ETV7: variants seen among roughly 807,000 people sequenced by gnomAD.
ETV7 encodes transcription factor ETV7.
In ETV7, 43 loss-of-function variants were observed where a neutral mutation model predicts 39.1. That is an observed-to-expected ratio of 1.10 (90% confidence interval 0.86 to 1.42). ETV7 has a LOEUF of 1.42. Among genes scored for constraint, ETV7 ranks in the 40% most tolerant of loss-of-function variants. The probability of loss-of-function intolerance (pLI) is 0.00; values close to 1 mark genes in which losing one functional copy is unlikely to be tolerated. For synonymous variants in ETV7, 196 were observed against 176.6 expected (o/e 1.11, Z -0.87); for missense variants, 432 against 442.3 (o/e 0.98, Z 0.21).
intron 7 of ETV7, among the ~76,000 whole-genome samples, chr6:36,356,679 C>T (rs1772351107): frequency 6.6e-6 from 1 of 152,202 alleles, no homozygotes; most frequent in Non-Finnish European, 1.5e-5. Context: ...TCTTAATGGC[C>T]CAGCCTGGGC....
In ETV7 at chr6:36,366,531, T is replaced by C; in HGVS notation, c.*114A>G. 10 of 1,562,826 alleles carry C rather than the reference T, an allele frequency of 6.4e-6. No homozygotes were observed. Among genetic ancestry groups the C allele is most frequent in the Non-Finnish European group, 8.7e-6 (10 of 1,155,614 alleles). On this transcript the variant is annotated 3_prime_UTR_variant, in exon 8 of 8. Transcript: ENST00000340181. ...TTCCCAAGCAATGGCTGTAATCCTG[T>C]GGGTACAGAGTCTGGCTGGGGATCC...
intron 6 of ETV7, among the ~76,000 whole-genome samples, chr6:36,367,468 G>A (rs1213399943): frequency 1.3e-5 from 2 of 150,538 alleles, no homozygotes; most frequent in Admixed American, 1.3e-4. Context: ...AAGGAAGGAA[G>A]GAAGGCGAAA....
intron 7 of ETV7, 40 bp from the exon 8 acceptor site, chr6:36,366,802 A>C: frequency 6.2e-7 from 1 of 1,613,270 alleles, no homozygotes; most frequent in South Asian, 1.1e-5. Flanking sequence ...CTCCTGCCCC[A>C]GCTGCAGGGG....
In ETV7 at chr6:36,366,548, T is replaced by C; in HGVS notation, c.*97A>G. 6.3e-7 allele frequency: 1 copy of C among 1,587,550 alleles called. No homozygotes were observed. The highest frequency in any genetic ancestry group is 8.6e-7 in the Non-Finnish European group (1 of 1,166,432). On this transcript the variant is annotated 3_prime_UTR_variant, in exon 8 of 8. Transcript: ENST00000340181. ...TAATCCTGTGGGTACAGAGTCTGGC[T>C]GGGGATCCTGCTGCTCTGCTGGGAG...
intron 7 of ETV7, among the ~76,000 whole-genome samples, chr6:36,356,695 G>A (rs1204993805): frequency 2.0e-5 from 3 of 152,226 alleles, no homozygotes; most frequent in Non-Finnish European, 4.4e-5. Flanking sequence ...TGGGCTACAG[G>A]GCCCTCCCCA....
chr6:36,366,043 G>C (rs1291726353), downstream of ETV7, among the ~76,000 whole-genome samples: 1 of 152,110 alleles, frequency 6.6e-6, no homozygotes, highest in African/African-American at 2.4e-5. Flanking sequence ...GTGTGGTGGT[G>C]GGCAGCTGTA....
intron 4 of ETV7, among the ~76,000 whole-genome samples, chr6:36,372,130 C>T (rs1261781261): frequency 1.3e-5 from 2 of 152,196 alleles, no homozygotes; most frequent in Non-Finnish European, 2.9e-5. Context: ...AGAGGCTGCT[C>T]AGGCCTCCCT....
intron 2 of ETV7, among the ~76,000 whole-genome samples, chr6:36,384,036 G>T (rs999018625): frequency 3.9e-5 from 6 of 152,220 alleles, no homozygotes; most frequent in African/African-American, 1.4e-4. Context: ...TGTCATGGAA[G>T]GGAAGTGAGT....
intron 1 of ETV7, among the ~76,000 whole-genome samples, chr6:36,386,043 A>C (rs1773881633): frequency 6.6e-6 from 1 of 152,188 alleles, no homozygotes; most frequent in Non-Finnish European, 1.5e-5. Flanking sequence ...AAATAAACAA[A>C]TAGACCAGGT....
At chr6:36,379,282 C>G (rs1258159456) in intron 2 of ETV7, among the ~76,000 whole-genome samples, 2 of 152,182 alleles carry the variant, frequency 1.3e-5, no homozygotes, top group African/African-American at 4.8e-5. Flanking sequence ...TGGCTGAGGC[C>G]TATAATTCCC....
chr6:36,362,991 G>T (rs1004944460), downstream of ETV7, among the ~76,000 whole-genome samples: 7 of 152,258 alleles, frequency 4.6e-5, no homozygotes, highest in Admixed American at 3.9e-4. Context: ...CAGGAGCGAA[G>T]AAGCTGGGCT....
chr6:36,382,491 C>T (rs539058053), intron 2 of ETV7, among the ~76,000 whole-genome samples: 4 of 152,322 alleles, frequency 2.6e-5, no homozygotes, highest in South Asian at 2.1e-4. Flanking sequence ...CATTTCAACA[C>T]GGTTCCCAGC....
At chr6:36,355,151 A>G (rs557891469) in intron 7 of ETV7, among the ~76,000 whole-genome samples, 2 of 152,288 alleles carry the variant, frequency 1.3e-5, no homozygotes, top group Non-Finnish European at 2.9e-5. Context: ...TGCTCTGACT[A>G]GAACCCTGCA....
chr6:36,364,133 C>T (rs896877751), downstream of ETV7, among the ~76,000 whole-genome samples: 5 of 152,350 alleles, frequency 3.3e-5, no homozygotes, highest in African/African-American at 9.6e-5. Context: ...AGGTTTTCCA[C>T]CTCCCCACCA....
chr6:36,356,605 T>C (rs1318643781), intron 7 of ETV7, among the ~76,000 whole-genome samples: 8 of 152,204 alleles, frequency 5.3e-5, no homozygotes, highest in Admixed American at 5.2e-4. Flanking sequence ...GGAAGGACCC[T>C]GATTGGCCTA....
chr6:36,363,471 T>C (rs1363767000), downstream of ETV7, among the ~76,000 whole-genome samples: 1 of 151,922 alleles, frequency 6.6e-6, no homozygotes, highest in Non-Finnish European at 1.5e-5. Context: ...TCTGGAGTCA[T>C]TCATTCCTCC....
intron 5 of ETV7, 132 bp from the exon 6 acceptor site, chr6:36,369,203 A>C: frequency 1.0e-6 from 1 of 990,634 alleles, no homozygotes; most frequent in Non-Finnish European, 1.5e-6. Context: ...AAATGATGAT[A>C]TCAACAGAAA....
intron 2 of ETV7, among the ~76,000 whole-genome samples, chr6:36,379,028 G>C (rs1445477676): frequency 6.6e-6 from 1 of 152,256 alleles, no homozygotes. Flanking sequence ...CGCGATGGGA[G>C]ATGAGTCTGG....
downstream of ETV7, among the ~76,000 whole-genome samples, chr6:36,363,522 C>A (rs1262506879): frequency 3.3e-5 from 5 of 152,234 alleles, no homozygotes; most frequent in East Asian, 3.8e-4. Context: ...AGTGAAGCTG[C>A]AGATCTTCGC....
Sources: allele counts gnomAD v4.1 joint callset (sites outside exome capture counted in the v4.1 genomes callset), GRCh38; gene constraint gnomAD v4.1.1; transcripts MANE v1.5; gene names NCBI Gene and HGNC (gene_info 2026-07-23, HGNC 2026-07-21).